SYNPR: variants seen among roughly 807,000 people sequenced by gnomAD.
The protein encoded by SYNPR is synaptoporin.
Under a neutral mutation model 32.9 loss-of-function variants are expected in SYNPR, and 23 were observed. The ratio of observed to expected loss-of-function variants is 0.70; its 90% CI spans 0.50 to 0.99. SYNPR has a LOEUF of 0.99. Among genes scored for constraint, SYNPR ranks in the 50% least tolerant of loss-of-function variants. The probability of loss-of-function intolerance (pLI) is 0.00; values close to 1 mark genes in which losing one functional copy is unlikely to be tolerated. For synonymous variants in SYNPR, 146 were observed against 135.9 expected (o/e 1.07, Z -0.52); for missense variants, 318 against 349.3 (o/e 0.91, Z 0.71).
intron 2 of SYNPR, among the ~76,000 whole-genome samples, chr3:63,305,519 CTT>C (rs1165864642): frequency 6.6e-6 from 1 of 151,968 alleles, no homozygotes. Context: ...GTTTTAGACT[CTT>C]TCCCTTACAA....
chr3:63,254,474 G>A (rs868111610), intron 2 of SYNPR, among the ~76,000 whole-genome samples: 1 of 152,204 alleles, frequency 6.6e-6, no homozygotes, highest in Middle Eastern at 3.4e-3. Flanking sequence ...ATAAGCTGCT[G>A]CACTATTATT....
intron 4 of SYNPR, among the ~76,000 whole-genome samples, chr3:63,596,667 C>T (rs578201298): frequency 6.6e-6 from 1 of 152,266 alleles, no homozygotes; most frequent in Admixed American, 6.5e-5. Context: ...CTATGGGACT[C>T]TACAGGCCAA....
intron 4 of SYNPR, among the ~76,000 whole-genome samples, chr3:63,593,863 A>T (rs1233241286): frequency 1.3e-5 from 2 of 152,110 alleles, no homozygotes; most frequent in Non-Finnish European, 2.9e-5. Flanking sequence ...CACTGGAGGG[A>T]GGAGAACAGA....
chr3:63,309,658 C>A (rs2086942560), intron 2 of SYNPR, among the ~76,000 whole-genome samples: 1 of 151,884 alleles, frequency 6.6e-6, no homozygotes, highest in South Asian at 2.1e-4. Flanking sequence ...CTGGTGACCC[C>A]AGCCCTGTGT....
intron 2 of SYNPR, among the ~76,000 whole-genome samples, chr3:63,369,692 T>G (rs1041889255): frequency 6.6e-6 from 1 of 152,232 alleles, no homozygotes; most frequent in Non-Finnish European, 1.5e-5. Context: ...CCCACTGGTG[T>G]GAAGGCGAAG....
intron 2 of SYNPR, among the ~76,000 whole-genome samples, chr3:63,410,748 T>C (rs1051001500): frequency 3.3e-5 from 5 of 152,146 alleles, no homozygotes; most frequent in Non-Finnish European, 5.9e-5. Context: ...CCCACTAGAC[T>C]TCAGTTCAGA....
intron 3 of SYNPR, among the ~76,000 whole-genome samples, chr3:63,542,308 G>A (rs1002790197): frequency 6.6e-6 from 1 of 152,060 alleles, no homozygotes; most frequent in Non-Finnish European, 1.5e-5. Flanking sequence ...TGAAAAGCAA[G>A]AAACTGTTCA....
intron 3 of SYNPR, among the ~76,000 whole-genome samples, chr3:63,531,405 G>A (rs934630752): frequency 6.6e-6 from 1 of 152,016 alleles, no homozygotes; most frequent in Admixed American, 6.6e-5. Flanking sequence ...ATGTTCCTTA[G>A]CTTGCAACTC....
At position 63,446,087 on chromosome 3, in the gene SYNPR, C is replaced by G. The variant is rs150266424; in HGVS notation, c.85-34745C>G. On this transcript the variant is annotated intron_variant, in intron 2 of 5. Coordinates refer to ENST00000478300, the MANE Select transcript of SYNPR (RefSeq NM_001130003.2). ...CAAGGTAGTAGTTCTTTTAATTGAT[C>G]AAAGTAAATCAATTCCTTTGACCTT... is the stretch of plus-strand genomic sequence containing the variant. Among the ~76,000 whole-genome samples, 564 of 152,164 alleles carry G rather than the reference C, an allele frequency of 3.7e-3. 3 individuals carry two copies. Among genetic ancestry groups the G allele is most frequent in the African/African-American group, 0.012 (503 of 41,508 alleles).
intron 2 of SYNPR, chr3:63,452,057 G>A (rs1254360766): frequency 1.4e-6 from 1 of 701,472 alleles, no homozygotes; most frequent in Non-Finnish European, 2.6e-6. Context: ...TTCTCCCACT[G>A]CCTTCACACT....
In SYNPR at chr3:63,477,160, CT is replaced by C. The variant is rs1350173468; in HGVS notation, c.85-3671del. Among the ~76,000 whole-genome samples, 4 of 152,246 alleles carry C rather than the reference CT, an allele frequency of 2.6e-5. No homozygotes were observed. In the East Asian group the frequency reaches 7.8e-4, roughly 30 times the overall value. ...GGGAGGGGAATCAGTGGGAAGATTT[CT>C]GAAGTCCCCTCCCACTCTTTCAAGG... On this transcript the variant is annotated intron_variant, in intron 2 of 5. Coordinates refer to ENST00000478300, the MANE Select transcript of SYNPR (RefSeq NM_001130003.2).
At chr3:63,373,383 C>T (rs1224280735) in intron 2 of SYNPR, among the ~76,000 whole-genome samples, 1 of 151,874 alleles carries the variant, frequency 6.6e-6, no homozygotes, top group East Asian at 1.9e-4. Flanking sequence ...AAGAAAGAAC[C>T]AAACTGATCT....
At chr3:63,359,807 G>A (rs574784497) in intron 2 of SYNPR, among the ~76,000 whole-genome samples, 104 of 152,150 alleles carry the variant, frequency 6.8e-4, no homozygotes, top group African/African-American at 2.4e-3. Context: ...ATATTGATAT[G>A]GTGGAAATAA....
intron 4 of SYNPR, among the ~76,000 whole-genome samples, chr3:63,559,547 C>T (rs900048450): frequency 1.3e-5 from 2 of 151,888 alleles, no homozygotes; most frequent in African/African-American, 4.8e-5. Context: ...AGATCTGAAC[C>T]TTAAAACAAT....
chr3:63,600,624 T>C (rs1451253219), intron 4 of SYNPR, among the ~76,000 whole-genome samples: 1 of 152,200 alleles, frequency 6.6e-6, no homozygotes, highest in Non-Finnish European at 1.5e-5. Context: ...GGGCAGTTTC[T>C]CCATGCTGTT....
At chr3:63,432,266 T>C (rs145394699) in intron 2 of SYNPR, among the ~76,000 whole-genome samples, 269 of 152,140 alleles carry the variant, frequency 1.8e-3, no homozygotes, top group African/African-American at 6.0e-3. Context: ...CCAAATAAAC[T>C]ACTTGCATTT....
chr3:63,251,680 G>T (rs983892072), intron 1 of SYNPR, among the ~76,000 whole-genome samples: 2 of 152,062 alleles, frequency 1.3e-5, no homozygotes, highest in African/African-American at 4.8e-5. Context: ...GGACTGAAAT[G>T]CGATCCCGGG....
chr3:63,418,843 C>G (rs1198107076), intron 2 of SYNPR, among the ~76,000 whole-genome samples: 1 of 152,186 alleles, frequency 6.6e-6, no homozygotes, highest in Non-Finnish European at 1.5e-5. Flanking sequence ...GGGGACCCAG[C>G]TGAATCATAT....
chr3:63,219,621 C>T, the SYNPR span, among the ~76,000 whole-genome samples: 4 of 152,092 alleles, frequency 2.6e-5, no homozygotes, highest in Non-Finnish European at 5.9e-5. Context: ...TTGATTAATG[C>T]ATTTTATGTA....
Sources: allele counts gnomAD v4.1 joint callset (sites outside exome capture counted in the v4.1 genomes callset), GRCh38; gene constraint gnomAD v4.1.1; transcripts MANE v1.5; gene names NCBI Gene and HGNC (gene_info 2026-07-23, HGNC 2026-07-21).